The following NPSR1 variants were observed in gnomAD, a reference collection of about 807,000 sequenced individuals.
NPSR1 encodes neuropeptide S receptor.
Under a neutral mutation model 46.9 loss-of-function variants are expected in NPSR1, and 48 were observed. The ratio of observed to expected loss-of-function variants is 1.02; its 90% CI spans 0.81 to 1.30. NPSR1 has a LOEUF of 1.30. NPSR1 is among the 50% of genes most tolerant of loss of function. The probability of loss-of-function intolerance (pLI) is 0.00; values close to 1 mark genes in which losing one functional copy is unlikely to be tolerated. For missense variants in NPSR1, 450 were observed against 449.5 expected (o/e 1.00, Z -0.01); for synonymous variants, 176 against 168.1 (o/e 1.05, Z -0.36).
intron 8 of NPSR1, among the ~76,000 whole-genome samples, chr7:34,856,183 G>A (rs1391208777): frequency 6.6e-6 from 1 of 151,142 alleles, no homozygotes; most frequent in Admixed American, 6.6e-5. Context: ...TAAGATAAAA[G>A]GTATATGGAT....
intron 3 of NPSR1, among the ~76,000 whole-genome samples, chr7:34,794,001 T>C (rs546639560): frequency 7.6e-4 from 115 of 152,192 alleles, no homozygotes; most frequent in Non-Finnish European, 6.0e-4. Context: ...TTCACTGATA[T>C]GTGGAATCTT....
chr7:34,871,521 C>A (rs1427456139), intron 8 of NPSR1: 2 of 151,800 alleles, frequency 1.3e-5, no homozygotes, highest in African/African-American at 4.9e-5. Flanking sequence ...CCCCCAAAGT[C>A]TTAAGTCTTT....
At chr7:34,665,079 A>C (rs1791668339) in intron 1 of NPSR1, among the ~76,000 whole-genome samples, 1 of 152,226 alleles carries the variant, frequency 6.6e-6, no homozygotes. Flanking sequence ...GGGAAGTTAA[A>C]GGTGTAAACT....
At chr7:34,672,446 A>G (rs1792105314) in intron 1 of NPSR1, among the ~76,000 whole-genome samples, 2 of 152,360 alleles carry the variant, frequency 1.3e-5, no homozygotes, top group Non-Finnish European at 2.9e-5. Context: ...CAGTAACCAG[A>G]AAACTGAATT....
intron 1 of NPSR1, among the ~76,000 whole-genome samples, chr7:34,662,826 C>G (rs559554329): frequency 6.6e-5 from 10 of 152,254 alleles, no homozygotes; most frequent in African/African-American, 1.9e-4. Flanking sequence ...GGATGGCACA[C>G]AATTTCCAAA....
intron 2 of NPSR1, among the ~76,000 whole-genome samples, chr7:34,743,645 G>A (rs1328365112): frequency 6.6e-6 from 1 of 152,008 alleles, no homozygotes; most frequent in Non-Finnish European, 1.5e-5. Context: ...TAACCATCTT[G>A]GCCAGGCTGG....
chr7:34,740,684 C>T lies in NPSR1; in HGVS notation c.281-37778C>T, dbSNP rs969868088. 1.1e-4 allele frequency among the ~76,000 whole-genome samples: 17 copies of T among 152,148 alleles called. No individual in the cohort carries two copies. The East Asian group carries it at 1.2e-3, about 10-fold the overall frequency. Reference sequence around the variant, plus strand: ...TCTAGACCTTTAGGTTACCTAGTGACGGTGTGTGTTTGGGGGTGGACAATC... The same window carrying T: ...TCTAGACCTTTAGGTTACCTAGTGATGGTGTGTGTTTGGGGGTGGACAATC... On this transcript the variant is annotated intron_variant, in intron 2 of 8. Coordinates refer to ENST00000360581, the MANE Select transcript of NPSR1 (RefSeq NM_207172.2).
chr7:34,850,653 G>T (rs927782625), downstream of NPSR1, among the ~76,000 whole-genome samples: 2 of 152,082 alleles, frequency 1.3e-5, no homozygotes, highest in Non-Finnish European at 2.9e-5. Context: ...GCCTGCCTTG[G>T]CCTCCCAAAG....
chr7:34,746,993 A>G (rs1421338997), intron 2 of NPSR1, among the ~76,000 whole-genome samples: 1 of 151,956 alleles, frequency 6.6e-6, no homozygotes, highest in East Asian at 1.9e-4. Flanking sequence ...TGCATGGTGG[A>G]ACGCACCTGC....
chr7:34,738,501 T>A (rs1562691472), intron 2 of NPSR1, among the ~76,000 whole-genome samples: 1 of 152,230 alleles, frequency 6.6e-6, no homozygotes, highest in African/African-American at 2.4e-5. Context: ...ATACTATTTT[T>A]TTCTGTCTCT....
chr7:34,707,682 A>G (rs1464869703), intron 2 of NPSR1, among the ~76,000 whole-genome samples: 2 of 152,226 alleles, frequency 1.3e-5, no homozygotes, highest in African/African-American at 4.8e-5. Flanking sequence ...TCGAAAGCTC[A>G]GTGATAGAGT....
At chr7:34,704,220 T>C (rs1793990770) in intron 2 of NPSR1, 1 of 152,218 alleles carries the variant, frequency 6.6e-6, no homozygotes, top group South Asian at 2.1e-4. Flanking sequence ...AGTTGCATTC[T>C]CAATACATTA....
At chr7:34,789,275 A>G (rs1367777609) in intron 3 of NPSR1, among the ~76,000 whole-genome samples, 1 of 151,996 alleles carries the variant, frequency 6.6e-6, no homozygotes, top group Non-Finnish European at 1.5e-5. Context: ...CTTTCATAAA[A>G]AGGGAGAAAT....
intron 2 of NPSR1, among the ~76,000 whole-genome samples, chr7:34,693,749 A>G (rs1216431311): frequency 6.6e-6 from 1 of 152,222 alleles, no homozygotes; most frequent in Non-Finnish European, 1.5e-5. Flanking sequence ...AAAATTTCTC[A>G]TCAAGATACC....
In NPSR1 at chr7:34,775,061, G is replaced by A. The variant is rs117401180; in HGVS notation, c.281-3401G>A. Among the ~76,000 whole-genome samples, 145 of 152,226 alleles carry A rather than the reference G, an allele frequency of 9.5e-4. 4 individuals are homozygous for A. In the East Asian group the frequency reaches 0.026, roughly 27 times the overall value. On this transcript the variant is annotated intron_variant, in intron 2 of 8. Coordinates refer to ENST00000360581, the MANE Select transcript of NPSR1 (RefSeq NM_207172.2). ...TGGCATGTTCCTGAATTTTCACAGG[G>A]TTTGTCTCTCACCCTCCAGAGTGTA...
chr7:34,710,443 G>A (rs181902210), intron 2 of NPSR1, among the ~76,000 whole-genome samples: 1 of 152,316 alleles, frequency 6.6e-6, no homozygotes, highest in East Asian at 1.9e-4. Context: ...GTTTTAGCAA[G>A]AGCTAAAAGA....
chr7:34,799,250 G>A (rs1315250795), intron 3 of NPSR1, among the ~76,000 whole-genome samples: 3 of 151,616 alleles, frequency 2.0e-5, no homozygotes, highest in Non-Finnish European at 2.9e-5. Context: ...ATATTATTTT[G>A]TTTTTCAATT....
intron 2 of NPSR1, among the ~76,000 whole-genome samples, chr7:34,749,364 G>C (rs972175250): frequency 2.0e-5 from 3 of 152,162 alleles, no homozygotes; most frequent in East Asian, 1.9e-4. Flanking sequence ...TAAAGGGAAG[G>C]GGGTAGAAAG....
At chr7:34,663,821 A>G (rs958525480) in intron 1 of NPSR1, among the ~76,000 whole-genome samples, 2 of 152,092 alleles carry the variant, frequency 1.3e-5, no homozygotes, top group Non-Finnish European at 2.9e-5. Context: ...GAAAAAACCC[A>G]TTTCTCTTCC....
Sources: allele counts gnomAD v4.1 joint callset (sites outside exome capture counted in the v4.1 genomes callset), GRCh38; gene constraint gnomAD v4.1.1; transcripts MANE v1.5; gene names NCBI Gene and HGNC (gene_info 2026-07-23, HGNC 2026-07-21).